GNAQ: variants seen among roughly 807,000 people sequenced by gnomAD.
GNAQ encodes the protein guanine nucleotide-binding protein G(q) subunit alpha.
In GNAQ, 8 loss-of-function variants were observed where a neutral mutation model predicts 43.9. The observed-to-expected ratio is 0.18, with a 90% CI of 0.11 to 0.33. The LOEUF (loss-of-function observed/expected upper bound fraction) is 0.33, where lower values mean the gene tolerates loss of function less well. Among genes scored for constraint, GNAQ ranks in the 10% least tolerant of loss-of-function variants. GNAQ has a pLI of 1.00. For synonymous variants in GNAQ, 155 were observed against 170.7 expected (o/e 0.91, Z 0.71); for missense variants, 158 against 450.8 (o/e 0.35, Z 5.88).
chr9:77,998,720 T>C (rs949779598), intron 1 of GNAQ, among the ~76,000 whole-genome samples: 3 of 152,214 alleles, frequency 2.0e-5, no homozygotes, highest in African/African-American at 7.2e-5. Flanking sequence ...TGAATAAAAC[T>C]GTTAGTATTT....
chr9:77,808,983 A>T lies in GNAQ; in HGVS notation c.476+6633T>A, dbSNP rs138062305. 5.3e-5 allele frequency among the ~76,000 whole-genome samples: 8 copies of T among 152,306 alleles called. No homozygotes were observed. In the East Asian group the frequency reaches 1.4e-3, roughly 26 times the overall value. Reference sequence around the variant, plus strand: ...CAAGTATTTGACTCATCAGTCAGCAACTTCTTAGCAAGGTACTTCCTCTTC... The same window carrying T: ...CAAGTATTTGACTCATCAGTCAGCATCTTCTTAGCAAGGTACTTCCTCTTC... On this transcript the variant is annotated intron_variant, in intron 3 of 6. Transcript: ENST00000286548.
chr9:77,778,776 T>C (rs1024645171), intron 5 of GNAQ, among the ~76,000 whole-genome samples: 11 of 151,998 alleles, frequency 7.2e-5, no homozygotes, highest in African/African-American at 2.7e-4. Flanking sequence ...CAAGTAGCTA[T>C]ACCCAAGTAG....
rs796496710 is a variant in GNAQ at position 78,000,368 on chromosome 9, A to G, written c.136+30732T>C. 6.6e-4 allele frequency among the ~76,000 whole-genome samples: 101 copies of G among 152,332 alleles called. 1 individual carries two copies. Among genetic ancestry groups the G allele is most frequent in the Admixed American group, 2.7e-3 (42 of 15,298 alleles). On this transcript the variant is annotated intron_variant, in intron 1 of 6. Transcript: ENST00000286548. ...AAGGAACTTTCAGGTGTCTACACACATATCATTAAGAAAGATTATGTGGCA... is the reference window on the plus strand; with the variant it reads ...AAGGAACTTTCAGGTGTCTACACACGTATCATTAAGAAAGATTATGTGGCA...
At chr9:77,931,586 C>T (rs1218768074) in intron 1 of GNAQ, among the ~76,000 whole-genome samples, 3 of 151,060 alleles carry the variant, frequency 2.0e-5, no homozygotes, top group African/African-American at 7.3e-5. Flanking sequence ...GCGAGTGAGA[C>T]TCTGTCTCAA....
chr9:77,776,656 C>T (rs1485188923), intron 5 of GNAQ, among the ~76,000 whole-genome samples: 1 of 152,154 alleles, frequency 6.6e-6, no homozygotes, highest in Non-Finnish European at 1.5e-5. Flanking sequence ...CTTCAAGATT[C>T]ACTTTCAATA....
intron 1 of GNAQ, among the ~76,000 whole-genome samples, chr9:77,989,598 A>T (rs527478378): frequency 6.6e-6 from 1 of 152,202 alleles, no homozygotes; most frequent in Non-Finnish European, 1.5e-5. Context: ...ATGGCTGTGG[A>T]GCTGGAAGCC....
chr9:77,756,839 T>C (rs1825911319), intron 5 of GNAQ, among the ~76,000 whole-genome samples: 1 of 152,242 alleles, frequency 6.6e-6, no homozygotes, highest in South Asian at 2.1e-4. Context: ...GAAGGGTAAC[T>C]AAAATCCTTT....
chr9:77,903,282 C>T (rs1828641037), intron 2 of GNAQ, among the ~76,000 whole-genome samples: 1 of 152,090 alleles, frequency 6.6e-6, no homozygotes, highest in Admixed American at 6.5e-5. Context: ...TGCCCAGCTG[C>T]CTGATGGAAG....
At chr9:77,957,587 C>G (rs530345756) in intron 1 of GNAQ, among the ~76,000 whole-genome samples, 1 of 152,148 alleles carries the variant, frequency 6.6e-6, no homozygotes, top group African/African-American at 2.4e-5. Context: ...TTTTTTCCAA[C>G]TAGGTCAGAT....
intron 5 of GNAQ, among the ~76,000 whole-genome samples, chr9:77,761,065 G>T (rs1234715649): frequency 6.7e-6 from 1 of 149,908 alleles, no homozygotes; most frequent in Non-Finnish European, 1.5e-5. Context: ...CACCCCATCT[G>T]GGAAGTGAGG....
intron 1 of GNAQ, among the ~76,000 whole-genome samples, chr9:78,015,275 A>G (rs546294462): frequency 6.0e-4 from 91 of 152,334 alleles, no homozygotes; most frequent in African/African-American, 2.0e-3. Context: ...CATAGCCTAT[A>G]TGTGTGTTGT....
At chr9:77,778,405 G>C (rs753348765) in intron 5 of GNAQ, among the ~76,000 whole-genome samples, 4 of 151,780 alleles carry the variant, frequency 2.6e-5, no homozygotes, top group Non-Finnish European at 5.9e-5. Flanking sequence ...GCAAACTCAA[G>C]GGCAACGACT....
chr9:77,853,792 A>C (rs977104210), intron 2 of GNAQ, among the ~76,000 whole-genome samples: 4 of 150,900 alleles, frequency 2.7e-5, no homozygotes, highest in African/African-American at 4.9e-5. Flanking sequence ...AAAAAAAAAA[A>C]AAAAAAAACC....
At chr9:77,992,269 A>G (rs763278624) in intron 1 of GNAQ, among the ~76,000 whole-genome samples, 54 of 152,196 alleles carry the variant, frequency 3.5e-4, no homozygotes, top group Non-Finnish European at 6.2e-4. Flanking sequence ...CATGCAAGAA[A>G]CATTTAAAAT....
At position 77,761,593 on chromosome 9, in the gene GNAQ, AG is replaced by A. The variant is rs1484636213; in HGVS notation, c.735+32869del. On this transcript the variant is annotated intron_variant, in intron 5 of 6. Transcript: ENST00000286548. ...GGCCAGCTGCCTCGCCCGGGAGGTGAGGGGCGCCTCTGCCCGGCTGCCCCTA... is the reference window on the plus strand; with the variant it reads ...GGCCAGCTGCCTCGCCCGGGAGGTGAGGGCGCCTCTGCCCGGCTGCCCCTA... 5.5e-5 allele frequency among the ~76,000 whole-genome samples: 7 copies of A among 127,352 alleles called. No homozygotes were observed. In the East Asian group the frequency reaches 1.1e-3, roughly 20 times the overall value. 83.5% of individuals were successfully genotyped at this position (127,352 alleles called of 152,430 possible). A position where few individuals can be genotyped will look rare whatever the true frequency, so the allele number is the denominator to read the frequency against.
At chr9:78,029,433 G>A (rs149262590) in intron 1 of GNAQ, among the ~76,000 whole-genome samples, 2 of 151,362 alleles carry the variant, frequency 1.3e-5, no homozygotes, top group Admixed American at 6.6e-5. Flanking sequence ...TCAACTGCCT[G>A]TTTTCAGCCA....
intron 1 of GNAQ, among the ~76,000 whole-genome samples, chr9:77,969,424 T>G (rs1178623664): frequency 6.6e-6 from 1 of 152,196 alleles, no homozygotes; most frequent in Non-Finnish European, 1.5e-5. Flanking sequence ...CTTGCCTCCC[T>G]ATACAATTAG....
chr9:78,022,310 G>A, intron 1 of GNAQ, among the ~76,000 whole-genome samples: 1 of 152,156 alleles, frequency 6.6e-6, no homozygotes, highest in East Asian at 1.9e-4. Context: ...AAAATTCAAA[G>A]TTCAAATGGT....
At chr9:77,969,333 A>C (rs1823207914) in intron 1 of GNAQ, among the ~76,000 whole-genome samples, 1 of 152,232 alleles carries the variant, frequency 6.6e-6, no homozygotes, top group African/African-American at 2.4e-5. Context: ...CATCAATTTA[A>C]GAATTTTTGC....
Sources: allele counts gnomAD v4.1 joint callset (sites outside exome capture counted in the v4.1 genomes callset), GRCh38; gene constraint gnomAD v4.1.1; transcripts MANE v1.5; gene names NCBI Gene and HGNC (gene_info 2026-07-23, HGNC 2026-07-21).